SRGAP1: variants seen among roughly 807,000 people sequenced by gnomAD.
SRGAP1 encodes SLIT-ROBO Rho GTPase activating protein 1, also known as SLIT-ROBO Rho GTPase-activating protein 1.
Under a neutral mutation model 121.9 loss-of-function variants are expected in SRGAP1, and 43 were observed. That is an observed-to-expected ratio of 0.35 (90% CI 0.28 to 0.46). The LOEUF is 0.46. Among genes scored for constraint, SRGAP1 ranks in the 20% least tolerant of loss-of-function variants. The probability of loss-of-function intolerance (pLI) is 1.00; values close to 1 mark genes in which losing one functional copy is unlikely to be tolerated. For missense variants in SRGAP1, 1,102 were observed against 1,350.9 expected (o/e 0.82, Z 2.89); for synonymous variants, 447 against 485.4 (o/e 0.92, Z 1.04).
chr12:64,149,271 T>G lies in SRGAP1; in HGVS notation c.*6599T>G, dbSNP rs2037093684. On this transcript the variant is annotated 3_prime_UTR_variant, in exon 22 of 22. Transcript: ENST00000355086. The stretch of plus-strand genomic sequence containing the variant: ...GCCTACTCAAAGGCAAGGATACTTT[T>G]CTTTCTTTCCAAAAAAGCACTGTCT... 2 of 152,238 alleles carry G rather than the reference T, an allele frequency of 1.3e-5. No individual in the cohort carries two copies. The highest frequency in any genetic ancestry group is 1.3e-4 in the Admixed American group (2 of 15,282). The allele number at this position is 152,238 out of a possible 1,614,324, so 9.4% of individuals were successfully genotyped here.
chr12:63,875,047 C>T (rs1291181266), intron 1 of SRGAP1, among the ~76,000 whole-genome samples: 6 of 152,158 alleles, frequency 3.9e-5, no homozygotes, highest in Admixed American at 3.9e-4. Context: ...TCCTGAGTAG[C>T]TAGGACTACA....
rs117773857 is a variant in SRGAP1 at position 63,902,041 on chromosome 12, G to T, written c.67+57158G>T. Among the ~76,000 whole-genome samples, 7 of 152,340 alleles carry T rather than the reference G, an allele frequency of 4.6e-5. No homozygotes were observed. In the East Asian group the frequency reaches 1.3e-3, roughly 29 times the overall value. On this transcript the variant is annotated intron_variant, in intron 1 of 21. Transcript: ENST00000355086. ...TTTTACAGAAATTTGGCTGGGGAGT[G>T]TGGTGGCTCACGCCTGTAATCCCAG...
At chr12:63,942,774 G>A (rs779965704) in intron 1 of SRGAP1, among the ~76,000 whole-genome samples, 1 of 152,048 alleles carries the variant, frequency 6.6e-6, no homozygotes. Context: ...TCCCAGTGCC[G>A]TCTCCCAGCG....
At chr12:63,867,589 T>C (rs1016568270) in intron 1 of SRGAP1, among the ~76,000 whole-genome samples, 10 of 152,156 alleles carry the variant, frequency 6.6e-5, no homozygotes, top group Admixed American at 1.3e-4. Context: ...GAATCAATCT[T>C]ATAAGATGAA....
At chr12:63,950,996 A>ATTT (rs566092286) in intron 1 of SRGAP1, among the ~76,000 whole-genome samples, 30 of 131,986 alleles carry the variant, frequency 2.3e-4, no homozygotes, top group African/African-American at 7.7e-4. Flanking sequence ...CAATTGTCTG[A>ATTT]TTTTTTTTTT....
chr12:64,023,366 C>T (rs1473918916), intron 4 of SRGAP1, among the ~76,000 whole-genome samples: 2 of 152,030 alleles, frequency 1.3e-5, no homozygotes, highest in Admixed American at 6.6e-5. Context: ...CAAAATGTGC[C>T]TTCATCGGCC....
intron 15 of SRGAP1, among the ~76,000 whole-genome samples, chr12:64,105,146 A>C (rs1322817299): frequency 6.6e-6 from 1 of 152,076 alleles, no homozygotes; most frequent in Non-Finnish European, 1.5e-5. Flanking sequence ...TACCTAACAT[A>C]AGTGGAATCA....
At chr12:63,931,652 G>A (rs1565955458) in intron 1 of SRGAP1, among the ~76,000 whole-genome samples, 1 of 152,118 alleles carries the variant, frequency 6.6e-6, no homozygotes, top group Admixed American at 6.5e-5. Context: ...ATGATGCTAC[G>A]TGCTATGGGT....
intron 1 of SRGAP1, among the ~76,000 whole-genome samples, chr12:63,913,143 G>GAATGCTGT (rs988714795): frequency 3.4e-4 from 50 of 147,482 alleles, no homozygotes; most frequent in African/African-American, 1.2e-3. Context: ...CTCCTACCTG[G>GAATGCTGT]AATGCTGTTC....
intron 3 of SRGAP1, among the ~76,000 whole-genome samples, chr12:63,991,018 C>T (rs1227267273): frequency 1.3e-5 from 2 of 152,234 alleles, no homozygotes; most frequent in African/African-American, 4.8e-5. Flanking sequence ...TTACTAATCT[C>T]AGCCAACTCT....
At chr12:63,882,776 T>C (rs922547437) in intron 1 of SRGAP1, among the ~76,000 whole-genome samples, 3 of 152,230 alleles carry the variant, frequency 2.0e-5, no homozygotes, top group African/African-American at 4.8e-5. Flanking sequence ...AACTAACTTC[T>C]TAGATGGCTA....
At chr12:63,988,752 G>A (rs2033479905) in intron 2 of SRGAP1, among the ~76,000 whole-genome samples, 1 of 152,138 alleles carries the variant, frequency 6.6e-6, no homozygotes, top group African/African-American at 2.4e-5. Flanking sequence ...TTAGCATAAG[G>A]ATTCTCTGCT....
chr12:63,960,881 C>G (rs2032618198), intron 1 of SRGAP1, among the ~76,000 whole-genome samples: 1 of 152,140 alleles, frequency 6.6e-6, no homozygotes, highest in Non-Finnish European at 1.5e-5. Flanking sequence ...TGGATTCTCC[C>G]CAACAGCCTC....
intron 18 of SRGAP1, among the ~76,000 whole-genome samples, chr12:64,119,790 GGCAGAGTTTT>G (rs2036577083): frequency 4.2e-5 from 1 of 23,910 alleles, no homozygotes; most frequent in Non-Finnish European, 9.9e-5. Context: ...TTTTTTTTTT[GGCAGAGTTTT>G]GCTTTTTTTG....
chr12:63,946,668 C>T (rs913536995), intron 1 of SRGAP1, among the ~76,000 whole-genome samples: 12 of 151,942 alleles, frequency 7.9e-5, no homozygotes. Context: ...CTCAGCCTCC[C>T]AGGTAGCTGG....
intron 15 of SRGAP1, among the ~76,000 whole-genome samples, chr12:64,106,018 T>C (rs894207772): frequency 2.6e-5 from 4 of 152,234 alleles, no homozygotes; most frequent in Non-Finnish European, 5.9e-5. Context: ...ACCTTAACTT[T>C]ATGATTATTA....
At chr12:64,135,748 AT>A (rs2036847346) in intron 21 of SRGAP1, among the ~76,000 whole-genome samples, 1 of 152,230 alleles carries the variant, frequency 6.6e-6, no homozygotes, top group Non-Finnish European at 1.5e-5. Flanking sequence ...AAAGAACTCC[AT>A]CCTTAATATT....
chr12:63,937,870 C>T (rs371411268), intron 1 of SRGAP1, among the ~76,000 whole-genome samples: 1 of 152,206 alleles, frequency 6.6e-6, no homozygotes, highest in Non-Finnish European at 1.5e-5. Flanking sequence ...CCTGGTATTG[C>T]GTGCCCCTTC....
chr12:63,997,301 CAT>C (rs2033740919), intron 3 of SRGAP1, among the ~76,000 whole-genome samples: 1 of 151,942 alleles, frequency 6.6e-6, no homozygotes, highest in Non-Finnish European at 1.5e-5. Flanking sequence ...TAGATTATAC[CAT>C]ATAGAACAGG....
Sources: allele counts gnomAD v4.1 joint callset (sites outside exome capture counted in the v4.1 genomes callset), GRCh38; gene constraint gnomAD v4.1.1; transcripts MANE v1.5; gene names NCBI Gene and HGNC (gene_info 2026-07-23, HGNC 2026-07-21).